The following FBXO22 variants were observed in gnomAD, a reference collection of about 807,000 sequenced individuals.
FBXO22 encodes the protein F-box only protein 22.
Under a neutral mutation model 37.2 loss-of-function variants are expected in FBXO22, and 13 were observed. The ratio of observed to expected loss-of-function variants is 0.35; its 90% confidence interval spans 0.23 to 0.56. The LOEUF is 0.56. Among genes scored for constraint, FBXO22 ranks in the 20% least tolerant of loss-of-function variants. The pLI is 0.87. For missense variants in FBXO22, 446 were observed against 509.9 expected (o/e 0.87, Z 1.21); for synonymous variants, 189 against 189.1 (o/e 1.00, Z 0.00).
intron 6 of FBXO22, 54 bp downstream of exon 6, chr15:75,930,103 G>A: frequency 6.2e-7 from 1 of 1,610,372 alleles, no homozygotes; most frequent in Non-Finnish European, 8.5e-7. Context: ...ATGGTCTCAG[G>A]TTTTGTCACT....
chr15:75,910,251 A>G (rs1036972470), intron 2 of FBXO22: 14 of 152,238 alleles, frequency 9.2e-5, no homozygotes, highest in African/African-American at 3.1e-4. Flanking sequence ...TCTTTATAGT[A>G]GAATGATTTA....
At position 75,914,204 on chromosome 15, in the gene FBXO22, A is replaced by G. The variant is rs758002914; in HGVS notation, c.462A>G (p.Val154=). The G allele has an allele frequency of 1.2e-6, 2 of 1,608,234 alleles. No homozygotes were observed. The highest frequency in any genetic ancestry group is 2.2e-5 in the South Asian group (2 of 90,148). ...TTGGGATTGTGACCCCAGGAATTGTAGGTGAGATAAATTAGCAACTTGATG... is the reference window on the plus strand; with the variant it reads ...TTGGGATTGTGACCCCAGGAATTGTGGGTGAGATAAATTAGCAACTTGATG... ...QVLGIVTPGI[V]VTPMGSGSNR... The change falls in exon 4 of 7, where the codon GTA becomes GTG. Residue 154 remains valine, a splice_region_variant and synonymous_variant. Transcript: ENST00000308275.
chr15:75,908,510 T>C (rs886315614), intron 2 of FBXO22, among the ~76,000 whole-genome samples: 4 of 152,160 alleles, frequency 2.6e-5, no homozygotes, highest in Non-Finnish European at 5.9e-5. Flanking sequence ...CCTCAGGCAA[T>C]CCACCCACCG....
chr15:75,904,192 G>A, intron 1 of FBXO22, 89 bp downstream of exon 1: 4 of 1,435,306 alleles, frequency 2.8e-6, no homozygotes, highest in Non-Finnish European at 3.7e-6. Context: ...GAGACCCTTG[G>A]GACCCACCAG....
At position 75,903,943 on chromosome 15, in the gene FBXO22, GT is replaced by G; in HGVS notation, c.-19del. 6.5e-7 allele frequency: 1 copy of G among 1,529,568 alleles called. No individual in the cohort carries two copies. The allele number at this position is 1,529,568 out of a possible 1,614,324, so 94.7% of individuals were successfully genotyped here. ...GTTCCTCCGAGCCGCCGTAGGACTG[GT>G]TCCGGCGGGCTGGTGAGGAATGGAG... On this transcript the variant is annotated 5_prime_UTR_variant, in exon 1 of 7. Coordinates refer to ENST00000308275, the MANE Select transcript of FBXO22 (RefSeq NM_147188.3).
chr15:75,910,007 A>C (rs1261375744), intron 2 of FBXO22, among the ~76,000 whole-genome samples: 1 of 152,122 alleles, frequency 6.6e-6, no homozygotes, highest in Non-Finnish European at 1.5e-5. Flanking sequence ...ATGAATGAGA[A>C]CATGCAGCAT....
chr15:75,928,067 A>G (rs990414496), intron 5 of FBXO22, among the ~76,000 whole-genome samples: 1 of 152,186 alleles, frequency 6.6e-6, no homozygotes. Context: ...ATCCCATACT[A>G]GGCAGAATGG....
At chr15:75,923,434 C>T (rs1900371864) in intron 5 of FBXO22, among the ~76,000 whole-genome samples, 3 of 152,222 alleles carry the variant, frequency 2.0e-5, no homozygotes, top group Middle Eastern at 3.4e-3. Flanking sequence ...TTAAAATGGC[C>T]ATCTTCATTC....
intron 5 of FBXO22, among the ~76,000 whole-genome samples, chr15:75,929,578 C>G (rs1345864112): frequency 6.6e-6 from 1 of 151,218 alleles, no homozygotes; most frequent in African/African-American, 2.4e-5. Flanking sequence ...AGTTGCTGCT[C>G]AGTACATAGC....
intron 5 of FBXO22, among the ~76,000 whole-genome samples, chr15:75,918,980 CAG>C (rs1364579734): frequency 1.3e-5 from 2 of 152,024 alleles, no homozygotes; most frequent in African/African-American, 4.8e-5. Flanking sequence ...GTTTTGGAGA[CAG>C]AGTCTCACTT....
At chr15:75,925,276 G>A (rs756327669) in intron 5 of FBXO22, among the ~76,000 whole-genome samples, 1 of 152,158 alleles carries the variant, frequency 6.6e-6, no homozygotes, top group African/African-American at 2.4e-5. Context: ...ATACGTAACA[G>A]GTTGTTACAG....
At chr15:75,904,317 C>G (rs958397803) in intron 1 of FBXO22, 174 bp from the exon 2 acceptor site, 2 of 1,132,822 alleles carry the variant, frequency 1.8e-6, no homozygotes, top group African/African-American at 1.6e-5. Context: ...TTAAGGTTTT[C>G]TCCATATCTG....
At chr15:75,917,683 T>A (rs1567053655) in intron 5 of FBXO22, among the ~76,000 whole-genome samples, 1 of 152,260 alleles carries the variant, frequency 6.6e-6, no homozygotes, top group Admixed American at 6.5e-5. Flanking sequence ...TTGTTTGTAT[T>A]TAGTTCTGAA....
In FBXO22 at chr15:75,917,218, C is replaced by CT; in HGVS notation, c.464-7dup. 2 of 1,599,744 alleles carry CT rather than the reference C, an allele frequency of 1.3e-6. No homozygotes were observed. Among genetic ancestry groups the CT allele is most frequent in the Non-Finnish European group, 1.7e-6 (2 of 1,175,152 alleles). On this transcript the variant is annotated splice_polypyrimidine_tract_variant and intron_variant, in intron 4 of 6. Transcript: ENST00000308275. Reference sequence around the variant, plus strand: ...TGACTCTATTGGTGAAACTGTTTAACTTTTTCTCTAGTGACTCCAATGGGA... The same window carrying CT: ...TGACTCTATTGGTGAAACTGTTTAACTTTTTTCTCTAGTGACTCCAATGGGA...
In FBXO22 at chr15:75,942,120, CAA is replaced by C. The variant is rs903663901; in HGVS notation, c.*9020_*9021del. On this transcript the variant is annotated 3_prime_UTR_variant, in exon 7 of 7. Transcript: ENST00000308275. ...CAAATATATGACATTCTGGAGAAAG[CAA>C]AGTTAGTAAAGACTGGTTGCCAGAG... 6.6e-6 allele frequency: 1 copy of C among 151,532 alleles called. No individual in the cohort carries two copies. Among genetic ancestry groups the C allele is most frequent in the Non-Finnish European group, 1.5e-5 (1 of 67,894 alleles). The allele number at this position is 151,532 out of a possible 1,614,324, so 9.4% of individuals were successfully genotyped here.
intron 5 of FBXO22, among the ~76,000 whole-genome samples, chr15:75,922,505 G>A (rs1323382925): frequency 6.6e-6 from 1 of 152,222 alleles, no homozygotes; most frequent in African/African-American, 2.4e-5. Flanking sequence ...CTGGCTGAAG[G>A]AACATAGAAA....
intron 5 of FBXO22, among the ~76,000 whole-genome samples, chr15:75,921,074 C>T (rs1432683619): frequency 2.6e-5 from 4 of 152,088 alleles, no homozygotes; most frequent in Admixed American, 2.6e-4. Context: ...TAGCCTATTG[C>T]CCCTAGACTA....
intron 2 of FBXO22, 101 bp downstream of exon 2, chr15:75,904,730 A>ATCT (rs3073843): frequency 1 from 1,185,966 of 1,190,640 alleles, 590,788 homozygotes; most frequent in East Asian, 1. Context: ...TTAAAGGAAC[A>ATCT]TCTCGTTCCG....
At chr15:75,928,439 G>A (rs984321878) in intron 5 of FBXO22, among the ~76,000 whole-genome samples, 1 of 152,174 alleles carries the variant, frequency 6.6e-6, no homozygotes, top group East Asian at 1.9e-4. Context: ...GCAGGGACAT[G>A]GATGGAGCTG....
Sources: allele counts gnomAD v4.1 joint callset (sites outside exome capture counted in the v4.1 genomes callset), GRCh38; gene constraint gnomAD v4.1.1; transcripts MANE v1.5; gene names NCBI Gene and HGNC (gene_info 2026-07-23, HGNC 2026-07-21).